SV2C: variants seen among roughly 807,000 people sequenced by gnomAD.
SV2C encodes solute carrier family 22 member B3.
SV2C carries 49 observed loss-of-function variants against 79.7 expected under a neutral mutation model. The observed-to-expected ratio is 0.61, with a 90% CI of 0.49 to 0.78. The LOEUF is 0.78. Among genes scored for constraint, SV2C ranks in the 30% least tolerant of loss-of-function variants. The pLI is 0.00. For missense variants in SV2C, 833 were observed against 912.9 expected (o/e 0.91, Z 1.13); for synonymous variants, 334 against 333.2 (o/e 1.00, Z -0.03).
the SV2C span, among the ~76,000 whole-genome samples, chr5:75,956,109 C>T: frequency 7.4e-4 from 105 of 141,332 alleles, no homozygotes; most frequent in Middle Eastern, 3.5e-3. Flanking sequence ...ATGTTTATTG[C>T]GGCATTATTC....
the SV2C span, among the ~76,000 whole-genome samples, chr5:75,872,045 T>C: frequency 7.8e-3 from 1,143 of 146,802 alleles, 8 homozygotes; most frequent in Middle Eastern, 0.043. Flanking sequence ...AACAAAACTA[T>C]CATATATATT....
chr5:76,162,082 A>T (rs1191108035), intron 2 of SV2C, among the ~76,000 whole-genome samples: 3 of 152,198 alleles, frequency 2.0e-5, no homozygotes, highest in Non-Finnish European at 4.4e-5. Context: ...TTAGAAGAAA[A>T]AAAAAAGCTA....
chr5:76,116,916 C>CT (rs1273733558), intron 1 of SV2C, among the ~76,000 whole-genome samples: 2 of 152,158 alleles, frequency 1.3e-5, no homozygotes, highest in Non-Finnish European at 2.9e-5. Flanking sequence ...TCTGGGTGCG[C>CT]TTGCCAGTTC....
intron 4 of SV2C, among the ~76,000 whole-genome samples, chr5:76,266,263 A>G (rs1225704365): frequency 3.3e-5 from 5 of 152,256 alleles, no homozygotes; most frequent in Admixed American, 2.6e-4. Flanking sequence ...GCTGGAGTGC[A>G]GTGGCACAAT....
At chr5:75,871,279 T>G in the SV2C span, among the ~76,000 whole-genome samples, 48 of 152,282 alleles carry the variant, frequency 3.2e-4, no homozygotes, top group African/African-American at 1.1e-3. Context: ...GTGAACATCA[T>G]GCCCAACAGT....
chr5:75,866,978 T>C, the SV2C span, among the ~76,000 whole-genome samples: 20 of 152,212 alleles, frequency 1.3e-4, no homozygotes, highest in Admixed American at 1.2e-3. Context: ...TGTTTTCATC[T>C]TTCTTGCTGG....
chr5:76,116,198 A>G (rs1415684373), intron 1 of SV2C, among the ~76,000 whole-genome samples: 1 of 152,206 alleles, frequency 6.6e-6, no homozygotes, highest in Non-Finnish European at 1.5e-5. Flanking sequence ...TCTATGGGAC[A>G]GAGCTGCTCT....
upstream of SV2C, among the ~76,000 whole-genome samples, chr5:76,082,836 GC>G (rs1747040200): frequency 6.6e-6 from 1 of 152,104 alleles, no homozygotes; most frequent in South Asian, 2.1e-4. Context: ...GGGGAAGTAG[GC>G]AACCTAGCTC....
chr5:76,164,517 A>G (rs143846436), intron 2 of SV2C, among the ~76,000 whole-genome samples: 1 of 152,314 alleles, frequency 6.6e-6, no homozygotes, highest in East Asian at 1.9e-4. Context: ...TCTCCATTTT[A>G]TATGCCCACA....
chr5:76,336,989 T>C (rs1200898575), downstream of SV2C, among the ~76,000 whole-genome samples: 3 of 152,160 alleles, frequency 2.0e-5, no homozygotes, highest in African/African-American at 7.2e-5. Flanking sequence ...AAATTCCTAA[T>C]AATCAGTGTG....
chr5:76,013,994 GT>G, the SV2C span, among the ~76,000 whole-genome samples: 1 of 152,060 alleles, frequency 6.6e-6, no homozygotes, highest in African/African-American at 2.4e-5. Context: ...GGCTTAGATT[GT>G]GAATGCTAAG....
the SV2C span, among the ~76,000 whole-genome samples, chr5:76,057,497 C>T: frequency 4.0e-5 from 6 of 151,260 alleles, no homozygotes; most frequent in East Asian, 2.0e-4. Flanking sequence ...TCTGTGCTTG[C>T]GATAGTTTGC....
chr5:76,165,907 G>A (rs1437245895), intron 2 of SV2C, among the ~76,000 whole-genome samples: 1 of 152,174 alleles, frequency 6.6e-6, no homozygotes, highest in Non-Finnish European at 1.5e-5. Context: ...TGAGAGAGGT[G>A]AGGCCATGCT....
At chr5:76,095,666 G>A (rs765605054) in intron 1 of SV2C, among the ~76,000 whole-genome samples, 17 of 151,998 alleles carry the variant, frequency 1.1e-4, no homozygotes, top group Non-Finnish European at 2.1e-4. Flanking sequence ...ATTAGAACGT[G>A]GAAGATTAGT....
the SV2C span, among the ~76,000 whole-genome samples, chr5:75,882,575 G>C: frequency 0.024 from 3,613 of 149,418 alleles, 114 homozygotes; most frequent in African/African-American, 0.084. Flanking sequence ...GAACAGAGCA[G>C]AGCCCTCAGA....
intron 3 of SV2C, among the ~76,000 whole-genome samples, chr5:76,199,319 A>G (rs1377840799): frequency 6.6e-6 from 1 of 152,150 alleles, no homozygotes; most frequent in Admixed American, 6.5e-5. Flanking sequence ...AAATGTTGGG[A>G]ATGTTTCTTT....
intron 1 of SV2C, among the ~76,000 whole-genome samples, chr5:76,085,263 T>A (rs1372812494): frequency 6.6e-6 from 1 of 152,152 alleles, no homozygotes; most frequent in Non-Finnish European, 1.5e-5. Flanking sequence ...TTCTGCAGGA[T>A]TTTTGGCAGG....
chr5:76,033,411 A>G, the SV2C span, among the ~76,000 whole-genome samples: 1 of 152,122 alleles, frequency 6.6e-6, no homozygotes, highest in South Asian at 2.1e-4. Context: ...ATCCATCTTG[A>G]ATTAATTTTT....
At chr5:76,045,477 G>C in the SV2C span, among the ~76,000 whole-genome samples, 1 of 152,096 alleles carries the variant, frequency 6.6e-6, no homozygotes, top group Admixed American at 6.5e-5. Flanking sequence ...GATGGGAATA[G>C]CATTGAAACT....
Sources: gnomAD v4.1 joint callset for allele counts (sites outside exome capture counted in the v4.1 genomes callset) on GRCh38, gnomAD v4.1.1 for gene constraint, MANE v1.5 for transcripts, NCBI Gene and HGNC (gene_info 2026-07-23, HGNC 2026-07-21) for gene names.